GRM5: variants seen among roughly 807,000 people sequenced by gnomAD.
GRM5 encodes metabotropic glutamate receptor 5.
In GRM5, 19 loss-of-function variants were observed where a neutral mutation model predicts 83.1. That is an observed-to-expected ratio of 0.23 (90% CI 0.16 to 0.34). The LOEUF is 0.34. GRM5 is among the 10% of genes least tolerant of loss of function. The probability of loss-of-function intolerance (pLI) is 1.00; values close to 1 mark genes in which losing one functional copy is unlikely to be tolerated. For synonymous variants in GRM5, 675 were observed against 633.6 expected (o/e 1.07, Z -0.98); for missense variants, 1,160 against 1,588.3 (o/e 0.73, Z 4.58).
At chr11:88,540,933 G>A (rs373999069) in intron 8 of GRM5, among the ~76,000 whole-genome samples, 3 of 151,472 alleles carry the variant, frequency 2.0e-5, no homozygotes, top group African/African-American at 7.3e-5. Context: ...TGTATTTTTA[G>A]TAGAGATGGG....
intron 2 of GRM5, among the ~76,000 whole-genome samples, chr11:88,924,929 A>G (rs1310201176): frequency 3.9e-5 from 6 of 152,072 alleles, no homozygotes; most frequent in African/African-American, 1.4e-4. Flanking sequence ...TTTTGTATAT[A>G]TTAACTATAC....
chr11:88,809,423 A>G (rs1219692712), intron 3 of GRM5, among the ~76,000 whole-genome samples: 1 of 152,034 alleles, frequency 6.6e-6, no homozygotes, highest in Non-Finnish European at 1.5e-5. Context: ...AGGAGTGTAG[A>G]GGTTATATAG....
At chr11:88,675,606 C>T (rs1020814281) in intron 3 of GRM5, among the ~76,000 whole-genome samples, 13 of 151,814 alleles carry the variant, frequency 8.6e-5, no homozygotes, top group African/African-American at 2.7e-4. Context: ...TTATAATGTA[C>T]GCATTCAGAG....
At chr11:88,573,568 C>A (rs1591358225) in intron 7 of GRM5, among the ~76,000 whole-genome samples, 1 of 152,108 alleles carries the variant, frequency 6.6e-6, no homozygotes, top group Non-Finnish European at 1.5e-5. Flanking sequence ...GATGTATGTG[C>A]TCTCAGCTGC....
At chr11:88,908,001 T>C (rs923165853) in intron 2 of GRM5, among the ~76,000 whole-genome samples, 3 of 152,114 alleles carry the variant, frequency 2.0e-5, no homozygotes, top group Non-Finnish European at 4.4e-5. Flanking sequence ...AAATGCAGCA[T>C]AAGTCAATTT....
At chr11:89,042,740 A>G (rs1941561605) in intron 2 of GRM5, among the ~76,000 whole-genome samples, 1 of 152,236 alleles carries the variant, frequency 6.6e-6, no homozygotes, top group African/African-American at 2.4e-5. Flanking sequence ...TTTAGAAGTC[A>G]AACAAGCATA....
chr11:88,557,767 T>C (rs1325062799), intron 8 of GRM5, among the ~76,000 whole-genome samples: 1 of 151,528 alleles, frequency 6.6e-6, no homozygotes, highest in Non-Finnish European at 1.5e-5. Context: ...TTTTTTTTTT[T>C]AATACTTTAA....
intron 3 of GRM5, among the ~76,000 whole-genome samples, chr11:88,787,107 T>C (rs191188395): frequency 6.9e-4 from 104 of 150,854 alleles, no homozygotes; most frequent in Middle Eastern, 3.4e-3. Flanking sequence ...GATATCTTTA[T>C]TTAAAAATAT....
intron 3 of GRM5, among the ~76,000 whole-genome samples, chr11:88,768,519 T>C (rs1942666396): frequency 6.6e-6 from 1 of 151,924 alleles, no homozygotes; most frequent in African/African-American, 2.4e-5. Flanking sequence ...TGGGGATAGA[T>C]GGTGGTAAGG....
intron 2 of GRM5, among the ~76,000 whole-genome samples, chr11:88,864,291 T>C (rs1783418235): frequency 6.6e-6 from 1 of 151,558 alleles, no homozygotes; most frequent in Admixed American, 6.6e-5. Context: ...GTAACATGAA[T>C]TAAACTGCAA....
chr11:88,981,340 T>A (rs989198781), intron 2 of GRM5, among the ~76,000 whole-genome samples: 1 of 152,148 alleles, frequency 6.6e-6, no homozygotes, highest in Admixed American at 6.5e-5. Flanking sequence ...CAATGAAACA[T>A]CAATATGTAC....
intron 4 of GRM5, among the ~76,000 whole-genome samples, chr11:88,649,022 T>C (rs1051022086): frequency 3.1e-4 from 46 of 146,240 alleles, no homozygotes; most frequent in Non-Finnish European, 5.7e-4. Context: ...CCAAAGTTCA[T>C]TATGGTCATT....
chr11:89,016,069 G>GA (rs1940845451), intron 2 of GRM5, among the ~76,000 whole-genome samples: 2 of 151,520 alleles, frequency 1.3e-5, no homozygotes, highest in South Asian at 2.1e-4. Context: ...GATCTACAGG[G>GA]AAAAAAACAC....
intron 2 of GRM5, among the ~76,000 whole-genome samples, chr11:88,914,968 G>A (rs1011022244): frequency 7.2e-5 from 11 of 152,052 alleles, no homozygotes; most frequent in Admixed American, 6.6e-4. Context: ...ATTCAGGTAT[G>A]GGTAAGAAAA....
intron 2 of GRM5, among the ~76,000 whole-genome samples, chr11:88,977,577 T>A (rs1328582449): frequency 6.6e-6 from 1 of 152,210 alleles, no homozygotes; most frequent in African/African-American, 2.4e-5. Flanking sequence ...CAAAGTATTA[T>A]CTACTTGCTA....
chr11:88,925,715 C>T (rs1464755634), intron 2 of GRM5: 1 of 452,920 alleles, frequency 2.2e-6, no homozygotes, highest in Non-Finnish European at 4.4e-6. Flanking sequence ...AGTTGAAGAC[C>T]AGCCTGGCCA....
In GRM5 at chr11:88,590,613, C is replaced by A. The variant is rs1937621919; in HGVS notation, c.1678G>T (p.Asp560Tyr). The change falls in exon 7 of 10, where the codon GAT (aspartate) becomes TAT (tyrosine). Residue 560 changes from aspartate (D) to tyrosine (Y), a missense_variant. Asp to Tyr is a radical substitution (Grantham distance 160). Transcript: ENST00000305447. ...KACQLGSWPT[D>Y]DLTGCDLIPV... ...TGTGATAGATTACCTGTGAGATCAT[C>A]AGTGGGCCAAGACCCCAGTTGGCAT... 6.2e-7 allele frequency: 1 copy of A among 1,611,668 alleles called. No individual in the cohort carries two copies. Among genetic ancestry groups the A allele is most frequent in the African/African-American group, 1.3e-5 (1 of 74,860 alleles).
intron 7 of GRM5, among the ~76,000 whole-genome samples, chr11:88,577,890 G>A (rs1459463462): frequency 3.9e-5 from 6 of 152,080 alleles, no homozygotes; most frequent in Non-Finnish European, 7.4e-5. Context: ...AGCTTTAGGA[G>A]GGAAGGTGAT....
chr11:88,659,120 T>C (rs1939839420), intron 3 of GRM5, among the ~76,000 whole-genome samples: 1 of 152,116 alleles, frequency 6.6e-6, no homozygotes, highest in Non-Finnish European at 1.5e-5. Context: ...TTATAAGGAA[T>C]CTTAATGTAG....
Sources: gnomAD v4.1 joint callset for allele counts (sites outside exome capture counted in the v4.1 genomes callset) on GRCh38, gnomAD v4.1.1 for gene constraint, MANE v1.5 for transcripts, NCBI Gene and HGNC (gene_info 2026-07-23, HGNC 2026-07-21) for gene names.